IL1RAPL1: variants seen among roughly 807,000 people sequenced by gnomAD.
IL1RAPL1 encodes interleukin 1 receptor accessory protein like 1.
A neutral mutation model predicts 48.4 loss-of-function variants in IL1RAPL1; 3 were observed. That is an observed-to-expected ratio of 0.06 (90% CI 0.03 to 0.16). The LOEUF (loss-of-function observed/expected upper bound fraction) is 0.16. IL1RAPL1 is among the 10% of genes least tolerant of loss of function. The pLI is 1.00. For missense variants in IL1RAPL1, 349 were observed against 530.6 expected (o/e 0.66, Z 3.36); for synonymous variants, 185 against 187.7 (o/e 0.99, Z 0.12).
chrX:28,658,286 C>T (rs924315540), intron 1 of IL1RAPL1, among the ~76,000 whole-genome samples: 3 of 111,442 alleles, frequency 2.7e-5, no homozygotes, highest in African/African-American at 9.8e-5. Context: ...GGTGTGATCT[C>T]GGCTCACTGC....
intron 5 of IL1RAPL1, among the ~76,000 whole-genome samples, chrX:29,470,287 A>G (rs1569318388): frequency 1.8e-5 from 2 of 112,095 alleles, no homozygotes; most frequent in East Asian, 2.8e-4. Flanking sequence ...CAGATTCCAT[A>G]TAAGGCTTTG....
In IL1RAPL1 at chrX:28,619,332, C is replaced by T. The variant is rs558540356; in HGVS notation, c.-25+31285C>T. On this transcript the variant is annotated intron_variant, in intron 1 of 10. Coordinates refer to ENST00000378993, the MANE Select transcript of IL1RAPL1 (RefSeq NM_014271.4). Reference sequence around the variant, plus strand: ...CCTGAAGGCCAGGCATGGTGGCTCACGCCTGTAACCCCAGCACTTTGGGAG... The same window carrying T: ...CCTGAAGGCCAGGCATGGTGGCTCATGCCTGTAACCCCAGCACTTTGGGAG... 8.1e-5 allele frequency among the ~76,000 whole-genome samples: 9 copies of T among 110,617 alleles called. No individual in the cohort carries two copies. In the East Asian group the frequency reaches 2.0e-3, roughly 24 times the overall value.
intron 9 of IL1RAPL1, among the ~76,000 whole-genome samples, chrX:29,948,846 G>GA (rs796452553): frequency 0.018 from 1,594 of 88,944 alleles, 34 homozygotes; most frequent in African/African-American, 0.059. Context: ...AAAAAAAAAA[G>GA]AAAAAAAAAA....
chrX:29,119,374 A>T (rs1928737566), intron 2 of IL1RAPL1, among the ~76,000 whole-genome samples: 1 of 111,522 alleles, frequency 9.0e-6, no homozygotes, highest in Non-Finnish European at 1.9e-5. Flanking sequence ...CTTAGCTGAC[A>T]GGGGTAGTTT....
At chrX:29,353,649 A>G (rs1376600027) in intron 3 of IL1RAPL1, among the ~76,000 whole-genome samples, 1 of 111,350 alleles carries the variant, frequency 9.0e-6, no homozygotes, top group African/African-American at 3.3e-5. Flanking sequence ...GGGAAATCAA[A>G]TAAAATATAC....
chrX:28,898,639 T>A (rs1379689689), intron 2 of IL1RAPL1, among the ~76,000 whole-genome samples: 1 of 111,085 alleles, frequency 9.0e-6, no homozygotes, highest in African/African-American at 3.3e-5. Context: ...TGATACCTAT[T>A]TTTATAATCT....
chrX:28,622,135 A>G (rs1321419520), intron 1 of IL1RAPL1, among the ~76,000 whole-genome samples: 3 of 111,933 alleles, frequency 2.7e-5, no homozygotes, highest in Non-Finnish European at 5.6e-5. Context: ...AGAAAAAAAT[A>G]TAAACCATGG....
Position 28,719,216 on chromosome X carries a change from CTTTGT to C in IL1RAPL1, c.-24-70098_-24-70094del, listed in dbSNP as rs1186647493. ...GACCCTCATACCCAATTCTCTTTGA[CTTTGT>C]TTTGTCATTTGTCACATAAAGATAT... On this transcript the variant is annotated intron_variant, in intron 1 of 10. Transcript: ENST00000378993. Among the ~76,000 whole-genome samples, 41 of 110,740 alleles carry C rather than the reference CTTTGT, an allele frequency of 3.7e-4. 3 individuals carry two copies. The highest frequency in any genetic ancestry group is 1.9e-5 in the Non-Finnish European group (1 of 52,798).
chrX:29,761,134 C>T lies in IL1RAPL1; in HGVS notation c.778+92630C>T, dbSNP rs369523408. ...AAACTTTGAATCTGAAATCAGATTT[C>T]GACTGTTTCTTTATGGTAAAATATA... On this transcript the variant is annotated intron_variant, in intron 6 of 10. Transcript: ENST00000378993. 1.6e-4 allele frequency among the ~76,000 whole-genome samples: 18 copies of T among 111,841 alleles called. No homozygotes were observed. In the East Asian group the frequency reaches 3.7e-3, roughly 23 times the overall value.
chrX:29,252,190 C>T (rs909812889), intron 2 of IL1RAPL1, among the ~76,000 whole-genome samples: 1 of 111,826 alleles, frequency 8.9e-6, no homozygotes, highest in Non-Finnish European at 1.9e-5. Flanking sequence ...GGGTGCAGCA[C>T]ACCAGCATGG....
intron 2 of IL1RAPL1, among the ~76,000 whole-genome samples, chrX:28,844,862 T>C (rs979890785): frequency 3.6e-5 from 4 of 111,902 alleles, no homozygotes; most frequent in South Asian, 3.7e-4. Flanking sequence ...ATGCAGTTCT[T>C]ATTGATATTG....
At chrX:29,580,238 C>A (rs987007608) in intron 5 of IL1RAPL1, among the ~76,000 whole-genome samples, 1 of 109,998 alleles carries the variant, frequency 9.1e-6, no homozygotes, top group African/African-American at 3.3e-5. Context: ...AAATACCCAG[C>A]ACCACTTAAC....
chrX:28,813,976 C>A (rs772481911), intron 2 of IL1RAPL1, among the ~76,000 whole-genome samples: 2 of 110,715 alleles, frequency 1.8e-5, no homozygotes, highest in East Asian at 2.9e-4. Context: ...TCAGGACCCA[C>A]GTATTCTGTC....
intron 5 of IL1RAPL1, among the ~76,000 whole-genome samples, chrX:29,450,579 G>A (rs1934667971): frequency 8.9e-6 from 1 of 111,763 alleles, no homozygotes; most frequent in African/African-American, 3.2e-5. Flanking sequence ...TTCATATAGA[G>A]GGATAGCTTT....
rs931848098 is a variant in IL1RAPL1, at chrX:29,477,933, G to T, written c.703+78625G>T. 3.6e-5 allele frequency among the ~76,000 whole-genome samples: 4 copies of T among 111,735 alleles called. No individual in the cohort carries two copies. In the East Asian group the frequency reaches 1.1e-3, roughly 31 times the overall value. The stretch of plus-strand genomic sequence containing the variant: ...CATAAAGACTTGCAGCAAACCAAAA[G>T]AACAAACCACAAGTAATTCACAGAA... On this transcript the variant is annotated intron_variant, in intron 5 of 10. Coordinates refer to ENST00000378993, the MANE Select transcript of IL1RAPL1 (RefSeq NM_014271.4).
intron 5 of IL1RAPL1, among the ~76,000 whole-genome samples, chrX:29,572,460 A>G (rs934850186): frequency 3.6e-5 from 4 of 112,627 alleles, no homozygotes; most frequent in African/African-American, 1.3e-4. Context: ...CTTTAAATTC[A>G]CAGGAGAATG....
At chrX:28,610,799 G>A (rs186540877) in intron 1 of IL1RAPL1, among the ~76,000 whole-genome samples, 5 of 110,669 alleles carry the variant, frequency 4.5e-5, no homozygotes, top group Admixed American at 9.6e-5. Flanking sequence ...GTAGGTCTGC[G>A]GTGGAGCCAA....
At chrX:29,550,686 A>G (rs963907140) in intron 5 of IL1RAPL1, among the ~76,000 whole-genome samples, 14 of 111,694 alleles carry the variant, frequency 1.3e-4, no homozygotes, top group Non-Finnish European at 2.1e-4. Flanking sequence ...TGTACAGTTG[A>G]TGGAAGTGGG....
chrX:29,168,151 A>G (rs1013600309), intron 2 of IL1RAPL1, among the ~76,000 whole-genome samples: 1 of 110,483 alleles, frequency 9.1e-6, no homozygotes, highest in African/African-American at 3.3e-5. Context: ...GGGTAATTAT[A>G]TACACCAATT....
Sources: allele counts gnomAD v4.1 joint callset (sites outside exome capture counted in the v4.1 genomes callset), GRCh38; gene constraint gnomAD v4.1.1; transcripts MANE v1.5; gene names NCBI Gene and HGNC (gene_info 2026-07-23, HGNC 2026-07-21).